IQGAP1: variants seen among roughly 807,000 people sequenced by gnomAD.
IQGAP1 encodes the protein IQ motif containing GTPase activating protein 1, also known as ras GTPase-activating-like protein IQGAP1.
In IQGAP1, 66 loss-of-function variants were observed where a neutral mutation model predicts 215.6. That is an observed-to-expected ratio of 0.31 (90% confidence interval 0.25 to 0.38). IQGAP1 has a LOEUF of 0.38. IQGAP1 is among the 10% of genes least tolerant of loss of function. The pLI is 1.00. For missense variants in IQGAP1, 1,712 were observed against 1,997.1 expected (o/e 0.86, Z 2.72); for synonymous variants, 772 against 728.7 (o/e 1.06, Z -0.96).
At chr15:90,409,103 C>G (rs1245631380) in intron 2 of IQGAP1, among the ~76,000 whole-genome samples, 1 of 152,102 alleles carries the variant, frequency 6.6e-6, no homozygotes, top group Non-Finnish European at 1.5e-5. Context: ...CTATAACTTG[C>G]ACTTTTTTTC....
At chr15:90,419,793 G>T (rs1413204130) in intron 2 of IQGAP1, among the ~76,000 whole-genome samples, 2 of 152,154 alleles carry the variant, frequency 1.3e-5, no homozygotes, top group Admixed American at 1.3e-4. Flanking sequence ...AGGCTTTGTG[G>T]TTATGCAGTG....
Position 90,450,150 on chromosome 15 carries a change from T to C in IQGAP1, c.1162+507T>C, listed in dbSNP as rs555191405. On this transcript the variant is annotated intron_variant, in intron 11 of 37. Coordinates refer to ENST00000268182, the MANE Select transcript of IQGAP1 (RefSeq NM_003870.4). ...AACCTCTCTATGTCCTCCTCCCCAC[T>C]ACCCTTCCCAGCTTCTGGGAACCAC... Among the ~76,000 whole-genome samples the C allele has an allele frequency of 2.6e-5, 4 of 152,194 alleles. No homozygotes were observed. The South Asian group carries it at 8.3e-4, about 32-fold the overall frequency.
At chr15:90,420,168 A>G (rs1397267171) in intron 2 of IQGAP1, among the ~76,000 whole-genome samples, 1 of 152,182 alleles carries the variant, frequency 6.6e-6, no homozygotes, top group African/African-American at 2.4e-5. Context: ...ATTTTTTTCA[A>G]TACCCAGCCA....
chr15:90,439,465 T>C, intron 6 of IQGAP1, 66 bp downstream of exon 6: 6 of 1,356,332 alleles, frequency 4.4e-6, no homozygotes, highest in Non-Finnish European at 1.0e-6. Context: ...GAGCCAGCAG[T>C]ACCAATTTTG....
chr15:90,392,748 C>CTTTTTTTTTTTTTTTT (rs10701656), intron 2 of IQGAP1, among the ~76,000 whole-genome samples: 13 of 117,804 alleles, frequency 1.1e-4, no homozygotes, highest in East Asian at 2.6e-4. Context: ...ATGTTTCTAT[C>CTTTTTTTTTTTTTTTT]TTTTTTTTTT....
intron 11 of IQGAP1, among the ~76,000 whole-genome samples, chr15:90,449,918 A>G (rs186647544): frequency 1.3e-5 from 2 of 152,334 alleles, no homozygotes; most frequent in South Asian, 2.1e-4. Context: ...GACGTATGAT[A>G]TTTTGATACA....
chr15:90,441,025 T>C (rs935007511), intron 7 of IQGAP1, among the ~76,000 whole-genome samples: 1 of 151,764 alleles, frequency 6.6e-6, no homozygotes, highest in African/African-American at 2.4e-5. Flanking sequence ...GAGAATCACT[T>C]GAACCCAAGA....
chr15:90,482,026 CA>C lies in IQGAP1; in HGVS notation c.3397del (p.Ser1133AlafsTer9). The C allele has an allele frequency of 6.2e-7, 1 of 1,614,250 alleles. No individual in the cohort carries two copies. The highest frequency in any genetic ancestry group is 8.5e-7 in the Non-Finnish European group (1 of 1,180,052). On this transcript the variant is annotated frameshift_variant, in exon 27 of 38. Transcript: ENST00000268182. LOFTEE classifies it high-confidence loss of function. ...ATGAAGAAGTGAAGACACGGCTAGA[CA>C]GCTCCATCAGGAACATGCGGGCTGT... The part of the protein sequence containing the change: ...AHEEVKTRLD[S>X]SIRNMRAVTD...
In IQGAP1 at chr15:90,472,906, A is replaced by T. The variant is rs1965925457; in HGVS notation, c.2245A>T (p.Ile749Phe). 6.2e-7 allele frequency: 1 copy of T among 1,614,036 alleles called. No individual in the cohort carries two copies. Among genetic ancestry groups the T allele is most frequent in the Admixed American group, 1.7e-5 (1 of 60,002 alleles). The change falls in exon 19 of 38, where the codon ATC (isoleucine) becomes TTC (phenylalanine). Residue 749 changes from isoleucine (I) to phenylalanine (F), a missense_variant. This residue lies in a region of IQGAP1 where 1,021 missense variants were observed against 1,074.2 expected (regional missense o/e 0.95). Coordinates refer to ENST00000268182, the MANE Select transcript of IQGAP1 (RefSeq NM_003870.4). Reference sequence around the variant, plus strand: ...GCTGTGGCTGGCCAATGAAGGCCTGATCACCAGGCTGCAGGCTCGCTGCCG... The same window carrying T: ...GCTGTGGCTGGCCAATGAAGGCCTGTTCACCAGGCTGCAGGCTCGCTGCCG... ...EQLWLANEGL[I>F]TRLQARCRGY...
chr15:90,464,307 C>T (rs1965800947), intron 15 of IQGAP1, among the ~76,000 whole-genome samples: 1 of 152,138 alleles, frequency 6.6e-6, no homozygotes, highest in African/African-American at 2.4e-5. Context: ...TGAATTGATG[C>T]TCTCTGTAAA....
chr15:90,483,293 C>T, intron 28 of IQGAP1, 68 bp from the exon 29 acceptor site: 1 of 1,206,366 alleles, frequency 8.3e-7, no homozygotes, highest in East Asian at 2.4e-5. Flanking sequence ...TCTTTGCTAG[C>T]AAAGTCATTT....
At position 90,388,264 on chromosome 15, in the gene IQGAP1, T is replaced by C; in HGVS notation, c.-78T>C. On this transcript the variant is annotated 5_prime_UTR_variant, in exon 1 of 38. Coordinates refer to ENST00000268182, the MANE Select transcript of IQGAP1 (RefSeq NM_003870.4). ...GGGGACCCCGGCAAGCCCGCGCACT[T>C]GGCAGGAGCTGTAGCTACCGCCGTC... 1 of 1,518,764 alleles carries C rather than the reference T, an allele frequency of 6.6e-7. No individual in the cohort carries two copies. Among genetic ancestry groups the C allele is most frequent in the Non-Finnish European group, 9.0e-7 (1 of 1,115,062 alleles). 94.1% of individuals were successfully genotyped at this position (1,518,764 alleles called of 1,614,324 possible).
chr15:90,420,559 A>C (rs1409915601), intron 2 of IQGAP1, among the ~76,000 whole-genome samples: 1 of 152,170 alleles, frequency 6.6e-6, no homozygotes, highest in Non-Finnish European at 1.5e-5. Flanking sequence ...TGGGAACATC[A>C]AATTGGGGAT....
intron 2 of IQGAP1, among the ~76,000 whole-genome samples, chr15:90,407,075 G>A (rs1308844454): frequency 6.6e-6 from 1 of 152,136 alleles, no homozygotes; most frequent in Non-Finnish European, 1.5e-5. Flanking sequence ...TTTGTGGTAG[G>A]TTATTTTACA....
chr15:90,436,069 T>TC (rs2151017507), intron 5 of IQGAP1, among the ~76,000 whole-genome samples: 1 of 151,470 alleles, frequency 6.6e-6, no homozygotes, highest in South Asian at 2.1e-4. Flanking sequence ...TTGCCTTTTT[T>TC]TTTTTTTTTC....
intron 10 of IQGAP1, 97 bp downstream of exon 10, chr15:90,448,833 C>A: frequency 9.1e-7 from 1 of 1,096,824 alleles, no homozygotes; most frequent in Non-Finnish European, 1.2e-6. Flanking sequence ...TTGTTTTTCC[C>A]CCAATACGAC....
chr15:90,432,196 C>T (rs967370399), intron 4 of IQGAP1, among the ~76,000 whole-genome samples: 3 of 152,140 alleles, frequency 2.0e-5, no homozygotes, highest in Non-Finnish European at 2.9e-5. Context: ...ACTAAATCTA[C>T]CTTTTCCCCA....
Position 90,474,699 on chromosome 15 carries a change from G to A in IQGAP1, c.2784+6G>A, listed in dbSNP as rs751761876. ...AAAATAAGATTACGTTGCAGGTATG[G>A]CCCAGTGCCAGCGGGGGCCTTGGAA... is the stretch of plus-strand genomic sequence containing the variant. On this transcript the variant is annotated splice_donor_region_variant and intron_variant, in intron 23 of 37. Transcript: ENST00000268182. 2.5e-6 allele frequency: 4 copies of A among 1,604,198 alleles called. No homozygotes were observed. The South Asian group carries it at 3.3e-5, about 13-fold the overall frequency.
chr15:90,421,016 T>G (rs1242695158), intron 2 of IQGAP1, among the ~76,000 whole-genome samples: 1 of 151,484 alleles, frequency 6.6e-6, no homozygotes. Context: ...TAGCCGGGTG[T>G]GCTGATCCCA....
Sources: allele counts gnomAD v4.1 joint callset (sites outside exome capture counted in the v4.1 genomes callset), GRCh38; gene constraint gnomAD v4.1.1; regional missense constraint gnomAD v4.1.1; transcripts MANE v1.5; gene names NCBI Gene and HGNC (gene_info 2026-07-23, HGNC 2026-07-21).